The following MNAT1 variants were observed in gnomAD, a reference collection of about 807,000 sequenced individuals.
The protein encoded by MNAT1 is CDK-activating kinase assembly factor MAT1.
In MNAT1, 43 loss-of-function variants were observed where a neutral mutation model predicts 42.0. The observed-to-expected ratio is 1.02, with a 90% CI of 0.80 to 1.32. The LOEUF (loss-of-function observed/expected upper bound fraction) is 1.32. Among genes scored for constraint, MNAT1 ranks in the 40% most tolerant of loss-of-function variants. MNAT1 has a pLI of 0.00. For missense variants in MNAT1, 306 were observed against 350.4 expected, an observed-to-expected ratio of 0.87 and a Z score of 1.01; for synonymous variants, 118 against 120.0, an observed-to-expected ratio of 0.98 and a Z score of 0.11.
intron 3 of MNAT1, among the ~76,000 whole-genome samples, chr14:60,802,628 T>A (rs747623387): frequency 6.6e-6 from 1 of 152,118 alleles, no homozygotes; most frequent in African/African-American, 2.4e-5. Flanking sequence ...ACAGTGGGGA[T>A]AGATAAAGAG....
At chr14:60,838,726 G>A (rs888816446) in intron 6 of MNAT1, among the ~76,000 whole-genome samples, 2 of 151,956 alleles carry the variant, frequency 1.3e-5, no homozygotes, top group Non-Finnish European at 1.5e-5. Flanking sequence ...GCCCACCTGT[G>A]GTTGTGGATC....
intron 7 of MNAT1, among the ~76,000 whole-genome samples, chr14:60,953,725 C>T (rs974808079): frequency 6.6e-6 from 1 of 152,128 alleles, no homozygotes; most frequent in Non-Finnish European, 1.5e-5. Flanking sequence ...GATGGCTTTA[C>T]AATTTACATT....
chr14:60,880,350 C>G (rs2034523978), intron 7 of MNAT1, among the ~76,000 whole-genome samples: 1 of 152,030 alleles, frequency 6.6e-6, no homozygotes, highest in Non-Finnish European at 1.5e-5. Flanking sequence ...AACCTGGGAT[C>G]CTGGCTTTTG....
chr14:60,953,701 G>T (rs181514220), intron 7 of MNAT1, among the ~76,000 whole-genome samples: 1 of 152,084 alleles, frequency 6.6e-6, no homozygotes, highest in African/African-American at 2.4e-5. Context: ...AGGAACTTCC[G>T]TACTGTTTTC....
chr14:60,761,325 A>G (rs1264986939), intron 1 of MNAT1, among the ~76,000 whole-genome samples: 1 of 152,202 alleles, frequency 6.6e-6, no homozygotes, highest in Non-Finnish European at 1.5e-5. Flanking sequence ...CCCTTAAATC[A>G]CAATACCACA....
intron 7 of MNAT1, among the ~76,000 whole-genome samples, chr14:60,948,822 A>G (rs1737518641): frequency 6.6e-6 from 1 of 152,196 alleles, no homozygotes; most frequent in Admixed American, 6.5e-5. Context: ...ATTTTTTAGC[A>G]TATCTAGGTA....
At chr14:60,909,449 G>A (rs1388666020) in intron 7 of MNAT1, among the ~76,000 whole-genome samples, 1 of 151,998 alleles carries the variant, frequency 6.6e-6, no homozygotes, top group Non-Finnish European at 1.5e-5. Flanking sequence ...GGGTTTTTAT[G>A]GTTTTAGATC....
rs1459638373 is a variant in MNAT1 at position 60,873,671 on chromosome 14, A to G, written c.688-6043A>G. Among the ~76,000 whole-genome samples, 3 of 139,868 alleles carry G rather than the reference A, an allele frequency of 2.1e-5. No homozygotes were observed. In the South Asian group the frequency reaches 6.7e-4, roughly 31 times the overall value. The allele number at this position is 139,868 out of a possible 152,430, so 91.8% of individuals were successfully genotyped here. On this transcript the variant is annotated intron_variant, in intron 6 of 7. Coordinates refer to ENST00000261245, the MANE Select transcript of MNAT1 (RefSeq NM_002431.4). ...TTTTTTTTTGTAGAGATGGCTCACT[A>G]TGTTGCCCAGGCTGGTCTCAAGCAC...
At chr14:60,960,420 T>C (rs2036567044) in intron 7 of MNAT1, among the ~76,000 whole-genome samples, 1 of 152,240 alleles carries the variant, frequency 6.6e-6, no homozygotes. Context: ...TATTAACATT[T>C]ATTTTTATGG....
chr14:60,880,891 G>A (rs773121697), intron 7 of MNAT1, among the ~76,000 whole-genome samples: 10 of 152,054 alleles, frequency 6.6e-5, no homozygotes, highest in Non-Finnish European at 1.3e-4. Flanking sequence ...TTAAACAATT[G>A]TCTTAAATGC....
At chr14:60,794,636 C>CAAAAAAAAA (rs71114156) in intron 1 of MNAT1, among the ~76,000 whole-genome samples, 1 of 95,430 alleles carries the variant, frequency 1.0e-5, no homozygotes, top group Non-Finnish European at 1.8e-5. Flanking sequence ...ACTGCATTCT[C>CAAAAAAAAA]AAAAAAAAAA....
At chr14:60,747,798 G>GT (rs890754622) in intron 1 of MNAT1, among the ~76,000 whole-genome samples, 1 of 152,178 alleles carries the variant, frequency 6.6e-6, no homozygotes, top group Admixed American at 6.5e-5. Flanking sequence ...CTTTTGAACT[G>GT]TTTGACTGTT....
intron 7 of MNAT1, among the ~76,000 whole-genome samples, chr14:60,913,617 C>A (rs912058043): frequency 5.3e-5 from 8 of 152,132 alleles, no homozygotes; most frequent in Non-Finnish European, 7.3e-5. Context: ...GCCTGGGTAT[C>A]AGCAGGGGAG....
At chr14:60,964,835 C>T (rs756949394) in intron 7 of MNAT1, among the ~76,000 whole-genome samples, 2 of 152,134 alleles carry the variant, frequency 1.3e-5, no homozygotes, top group Non-Finnish European at 2.9e-5. Flanking sequence ...TAGAAAAGTA[C>T]AGAAAACACT....
rs546888336 is a variant in MNAT1, at chr14:60,961,181, C to T, written c.810-7048C>T. Among the ~76,000 whole-genome samples the T allele has an allele frequency of 1.5e-4, 23 of 152,250 alleles. No homozygotes were observed. In the South Asian group the frequency reaches 4.6e-3, roughly 30 times the overall value. On this transcript the variant is annotated intron_variant, in intron 7 of 7. Transcript: ENST00000261245. ...TTCTCCATGTTGGTCGGGCAGGTCTCGAACTCCTGACCTCAGATGATCCGC... is the reference window on the plus strand; with the variant it reads ...TTCTCCATGTTGGTCGGGCAGGTCTTGAACTCCTGACCTCAGATGATCCGC...
intron 3 of MNAT1, among the ~76,000 whole-genome samples, chr14:60,803,623 T>G (rs994099834): frequency 6.6e-6 from 1 of 152,114 alleles, no homozygotes; most frequent in African/African-American, 2.4e-5. Flanking sequence ...GGGGCCATAT[T>G]TTGAAGGATA....
intron 7 of MNAT1, among the ~76,000 whole-genome samples, chr14:60,889,903 A>G (rs1457603519): frequency 1.3e-5 from 2 of 152,362 alleles, no homozygotes; most frequent in East Asian, 3.9e-4. Context: ...ACAATGAGAT[A>G]CCATTTCACA....
At chr14:60,945,867 T>C (rs2036262929) in intron 7 of MNAT1, among the ~76,000 whole-genome samples, 1 of 152,070 alleles carries the variant, frequency 6.6e-6, no homozygotes, top group South Asian at 2.1e-4. Context: ...GTTTCCTAAA[T>C]CTCCCACTCC....
chr14:60,736,835 A>G (rs1240763941), intron 1 of MNAT1, among the ~76,000 whole-genome samples: 2 of 152,206 alleles, frequency 1.3e-5, no homozygotes, highest in African/African-American at 2.4e-5. Context: ...GATATTTAGT[A>G]TTCTGTCACA....
Sources: gnomAD v4.1 joint callset for allele counts (sites outside exome capture counted in the v4.1 genomes callset) on GRCh38, gnomAD v4.1.1 for gene constraint, MANE v1.5 for transcripts, NCBI Gene and HGNC (gene_info 2026-07-23, HGNC 2026-07-21) for gene names.